The following PMVK variants were observed in gnomAD, a reference collection of about 807,000 sequenced individuals.
PMVK encodes testis tissue sperm-binding protein Li 95mP.
PMVK carries 10 observed loss-of-function variants against 19.0 expected under a neutral mutation model. That is an observed-to-expected ratio of 0.53 (90% confidence interval 0.32 to 0.89). The LOEUF is 0.89. Ranked by LOEUF, PMVK falls within the 40% of genes least tolerant of loss-of-function variation. The pLI is 0.03. For synonymous variants in PMVK, 108 were observed against 101.6 expected, an observed-to-expected ratio of 1.06 and a Z score of -0.38; for missense variants, 222 against 251.1, an observed-to-expected ratio of 0.88 and a Z score of 0.78.
At chr1:154,936,318 G>C in intron 1 of PMVK, 2 of 874,830 alleles carry the variant, frequency 2.3e-6, no homozygotes, top group Non-Finnish European at 2.7e-6. Flanking sequence ...CTGGTATATA[G>C]AAAGTGCCTT....
At chr1:154,930,471 A>AAAAT (rs942627447) in intron 2 of PMVK, among the ~76,000 whole-genome samples, 19 of 152,240 alleles carry the variant, frequency 1.2e-4, no homozygotes, top group Middle Eastern at 3.4e-3. Context: ...AAATATAAAT[A>AAAAT]AAATAAATAA....
At chr1:154,925,379 G>GA (rs1654117694) in intron 4 of PMVK, 114 bp from the exon 5 acceptor site, 2 of 1,165,034 alleles carry the variant, frequency 1.7e-6, no homozygotes, top group African/African-American at 3.0e-5. Flanking sequence ...TGCTACCCTA[G>GA]AGCCAAGGGC....
At chr1:154,933,490 CTTT>C (rs397860434) in intron 1 of PMVK, among the ~76,000 whole-genome samples, 1 of 113,954 alleles carries the variant, frequency 8.8e-6, no homozygotes, top group Non-Finnish European at 1.7e-5. Flanking sequence ...CTTAACCAAC[CTTT>C]TTTTTTTTTT....
intron 2 of PMVK, among the ~76,000 whole-genome samples, chr1:154,930,780 C>T (rs544586894): frequency 6.8e-4 from 102 of 149,908 alleles, no homozygotes; most frequent in Middle Eastern, 3.4e-3. Context: ...GGGAAAGAAT[C>T]CTGCTTAAAA....
the PMVK span, among the ~76,000 whole-genome samples, chr1:154,942,351 G>C: frequency 6.6e-6 from 1 of 152,220 alleles, no homozygotes; most frequent in Non-Finnish European, 1.5e-5. Context: ...CTGTCCCTTG[G>C]CTCTAGCCTC....
intron 1 of PMVK, among the ~76,000 whole-genome samples, chr1:154,934,482 A>G (rs755951907): frequency 1.3e-5 from 2 of 151,898 alleles, no homozygotes; most frequent in Admixed American, 6.6e-5. Context: ...ATACCCAGCT[A>G]ATTTTTTTTA....
chr1:154,936,273 G>C (rs1276224796), intron 1 of PMVK: 1 of 465,822 alleles, frequency 2.1e-6, no homozygotes, highest in East Asian at 1.5e-4. Flanking sequence ...GTAGAGGCGG[G>C]GTCTCGCCAT....
upstream of PMVK, among the ~76,000 whole-genome samples, chr1:154,938,502 C>T (rs191118792): frequency 2.0e-3 from 299 of 152,264 alleles, 1 homozygote; most frequent in South Asian, 0.013. Flanking sequence ...GAGGCTGAGG[C>T]ATGAGAACAC....
At chr1:154,936,373 AG>A in intron 1 of PMVK, 5 of 984,368 alleles carry the variant, frequency 5.1e-6, no homozygotes, top group Non-Finnish European at 6.0e-6. Flanking sequence ...CTGCAGCTGA[AG>A]GTCTTTGGAG....
At position 154,925,154 on chromosome 1, in the gene PMVK, A is replaced by G; in HGVS notation, c.554T>C (p.Ile185Thr). Residue 185 changes from isoleucine to threonine, a missense_variant, in exon 5 of 5, where the codon ATA becomes ACA. Transcript: ENST00000368467. Reference sequence around the variant, plus strand: ...CTAAAGTCTGGAGCGGATAAATTCTATCAGGTTCTCCAACTGCTCCTCCAG... The same window carrying G: ...CTAAAGTCTGGAGCGGATAAATTCTGTCAGGTTCTCCAACTGCTCCTCCAG... Reference protein sequence around the residue: ...QRLEEQLENLIEFIRSRL With the variant: ...QRLEEQLENLTEFIRSRL 1 of 1,611,186 alleles carries G rather than the reference A, an allele frequency of 6.2e-7. No individual in the cohort carries two copies. Among genetic ancestry groups the G allele is most frequent in the Non-Finnish European group, 8.5e-7 (1 of 1,179,654 alleles).
At chr1:154,931,953 T>G (rs970944973) in intron 2 of PMVK, among the ~76,000 whole-genome samples, 4 of 152,130 alleles carry the variant, frequency 2.6e-5, no homozygotes, top group Non-Finnish European at 4.4e-5. Flanking sequence ...CCTCCCAAAG[T>G]GCTGGGATTA....
At chr1:154,941,968 G>A in the PMVK span, among the ~76,000 whole-genome samples, 1 of 152,154 alleles carries the variant, frequency 6.6e-6, no homozygotes, top group South Asian at 2.1e-4. Context: ...TGAGAGATAA[G>A]GACGGGAGGG....
At chr1:154,933,618 C>G (rs1654411822) in intron 1 of PMVK, among the ~76,000 whole-genome samples, 2 of 149,404 alleles carry the variant, frequency 1.3e-5, no homozygotes, top group South Asian at 4.3e-4. Flanking sequence ...CTCGGCCTCC[C>G]AAGTAGCTGG....
chr1:154,929,125 C>G lies in PMVK; in HGVS notation c.211G>C (p.Ala71Pro), dbSNP rs1282891403. 6.2e-7 allele frequency: 1 copy of G among 1,613,986 alleles called. No individual in the cohort carries two copies. Among genetic ancestry groups the G allele is most frequent in the Non-Finnish European group, 8.5e-7 (1 of 1,179,928 alleles). The change falls in exon 3 of 5, where the codon GCC becomes CCC. Residue 71 changes from alanine (A) to proline (P), a missense_variant. Transcript: ENST00000368467. ...RLLDTSTYKE[A>P]FRKDMIRWGE... ...CAGCGGATCATGTCCTTCCGAAAGG[C>G]CTCCTTGTAGGTGCTGGTGTCCAGG...
rs527377474 is a variant in PMVK, at chr1:154,929,325, A to G, written c.160-149T>C. 1.9e-4 allele frequency: 122 copies of G among 649,054 alleles called. No homozygotes were observed. In the South Asian group the frequency reaches 2.5e-3, roughly 13 times the overall value. 40.2% of individuals were successfully genotyped at this position (649,054 alleles called of 1,614,324 possible). Reference sequence around the variant, plus strand: ...GGTTTCAGCCAGGACAAAGGTCTGCAAGGGCAAGAGTCTCAGCAACTAAGA... The same window carrying G: ...GGTTTCAGCCAGGACAAAGGTCTGCGAGGGCAAGAGTCTCAGCAACTAAGA... On this transcript the variant is annotated intron_variant, in intron 2 of 4. Coordinates refer to ENST00000368467, the MANE Select transcript of PMVK (RefSeq NM_006556.4).
At position 154,925,245 on chromosome 1, in the gene PMVK, C is replaced by G. The variant is rs765905183; in HGVS notation, c.463G>C (p.Glu155Gln). ...FTPGVDDAES[E>Q]CGLDNFGDFD... ...TCCCCGAAGTTGTCCAGGCCACATT[C>G]TGACTCAGCATCGTCCACCCCTATG... The change falls in exon 5 of 5, where the codon GAA becomes CAA. Residue 155 changes from glutamate (E) to glutamine (Q), a missense_variant. By Grantham distance (29) the Glu-to-Gln change is conservative (BLOSUM62 2). Coordinates refer to ENST00000368467, the MANE Select transcript of PMVK (RefSeq NM_006556.4). The G allele has an allele frequency of 1.2e-6, 2 of 1,614,190 alleles. No individual in the cohort carries two copies. Among genetic ancestry groups the G allele is most frequent in the Non-Finnish European group, 8.5e-7 (1 of 1,180,010 alleles).
At chr1:154,927,835 C>T (rs1481326484) in intron 3 of PMVK, among the ~76,000 whole-genome samples, 1 of 152,132 alleles carries the variant, frequency 6.6e-6, no homozygotes, top group Non-Finnish European at 1.5e-5. Flanking sequence ...ATCAGTGTAG[C>T]CTTCCCAGGC....
chr1:154,929,771 G>A (rs1654280734), intron 2 of PMVK, among the ~76,000 whole-genome samples: 1 of 152,036 alleles, frequency 6.6e-6, no homozygotes, highest in South Asian at 2.1e-4. Context: ...TGACCACCCT[G>A]GGGAACTCCT....
At chr1:154,926,605 T>C (rs1474421771) in intron 3 of PMVK, 122 bp from the exon 4 acceptor site, 3 of 730,086 alleles carry the variant, frequency 4.1e-6, no homozygotes, top group East Asian at 5.3e-5. Flanking sequence ...ATCGTGAGCA[T>C]GTCAGCAGCT....
Sources: gnomAD v4.1 joint callset for allele counts (sites outside exome capture counted in the v4.1 genomes callset) on GRCh38, gnomAD v4.1.1 for gene constraint, MANE v1.5 for transcripts, NCBI Gene and HGNC (gene_info 2026-07-23, HGNC 2026-07-21) for gene names.